Variants in CCSER1 observed in about 807,000 individuals in gnomAD.
The protein encoded by CCSER1 is serine-rich coiled-coil domain-containing protein 1.
CCSER1 carries 41 observed loss-of-function variants against 82.0 expected under a neutral mutation model. The ratio of observed to expected loss-of-function variants is 0.50; its 90% CI spans 0.39 to 0.65. CCSER1 has a LOEUF of 0.65. Among genes scored for constraint, CCSER1 ranks in the 30% least tolerant of loss-of-function variants. The pLI is 0.00. For missense variants in CCSER1, 1,119 were observed against 1,064.2 expected (o/e 1.05, Z -0.72); for synonymous variants, 414 against 383.9 (o/e 1.08, Z -0.92).
chr4:90,744,319 C>A (rs1343779012), intron 7 of CCSER1, among the ~76,000 whole-genome samples: 2 of 152,012 alleles, frequency 1.3e-5, no homozygotes, highest in Non-Finnish European at 2.9e-5. Context: ...AAGTAAGGTA[C>A]CGGAAGTGGT....
intron 3 of CCSER1, among the ~76,000 whole-genome samples, chr4:90,370,811 C>A (rs1012928111): frequency 6.6e-6 from 1 of 151,874 alleles, no homozygotes; most frequent in East Asian, 1.9e-4. Context: ...AAGGTCCTAC[C>A]GTTTTTTATT....
chr4:90,997,231 C>G (rs1210203892), intron 9 of CCSER1, among the ~76,000 whole-genome samples: 1 of 151,980 alleles, frequency 6.6e-6, no homozygotes, highest in Non-Finnish European at 1.5e-5. Flanking sequence ...TAAAATGTGT[C>G]CACATTTCTT....
At chr4:91,051,528 A>G (rs1388386150) in intron 9 of CCSER1, among the ~76,000 whole-genome samples, 1 of 152,168 alleles carries the variant, frequency 6.6e-6, no homozygotes, top group African/African-American at 2.4e-5. Context: ...CTAAAAATCC[A>G]AAACAACCAA....
intron 4 of CCSER1, among the ~76,000 whole-genome samples, chr4:90,409,989 G>T (rs527841814): frequency 1.3e-5 from 2 of 151,950 alleles, no homozygotes; most frequent in Admixed American, 6.6e-5. Context: ...TCCTAGTCTC[G>T]GATAAAACAG....
chr4:90,840,833 G>GT (rs1011795810), intron 8 of CCSER1, among the ~76,000 whole-genome samples: 5 of 152,130 alleles, frequency 3.3e-5, no homozygotes, highest in Admixed American at 2.6e-4. Flanking sequence ...TCATCAGAGA[G>GT]TAAATTCTTC....
chr4:90,544,352 G>T (rs924072247), intron 5 of CCSER1, among the ~76,000 whole-genome samples: 1 of 152,048 alleles, frequency 6.6e-6, no homozygotes, highest in South Asian at 2.1e-4. Flanking sequence ...TTATATGCGT[G>T]GTTATGACTT....
intron 10 of CCSER1, among the ~76,000 whole-genome samples, chr4:91,494,765 C>T (rs1056123603): frequency 3.3e-5 from 5 of 151,672 alleles, no homozygotes; most frequent in African/African-American, 4.8e-5. Flanking sequence ...TTGAAGAGAA[C>T]ATCTCTCAAT....
At chr4:91,148,422 C>G in intron 10 of CCSER1, among the ~76,000 whole-genome samples, 1 of 152,108 alleles carries the variant, frequency 6.6e-6, no homozygotes, top group Middle Eastern at 3.4e-3. Flanking sequence ...TAAATTCCCT[C>G]CTTCATTTAA....
At chr4:90,493,825 A>G (rs1006716911) in intron 5 of CCSER1, among the ~76,000 whole-genome samples, 2 of 152,246 alleles carry the variant, frequency 1.3e-5, no homozygotes, top group Admixed American at 1.3e-4. Flanking sequence ...TAAATTGTAA[A>G]GACCATCAAG....
intron 1 of CCSER1, among the ~76,000 whole-genome samples, chr4:90,307,512 A>G (rs1191153385): frequency 2.2e-4 from 16 of 71,220 alleles, no homozygotes; most frequent in Admixed American, 8.1e-4. Context: ...GGGTGGGGGG[A>G]GGGGGGAGGG....
At chr4:91,309,385 C>T (rs1260771294) in intron 10 of CCSER1, among the ~76,000 whole-genome samples, 2 of 152,004 alleles carry the variant, frequency 1.3e-5, no homozygotes, top group Non-Finnish European at 2.9e-5. Context: ...TGTGCACGCA[C>T]GTGCTCACAT....
At chr4:91,367,159 A>C (rs1749675818) in intron 10 of CCSER1, among the ~76,000 whole-genome samples, 2 of 149,506 alleles carry the variant, frequency 1.3e-5, no homozygotes, top group Admixed American at 1.3e-4. Context: ...AAGAGAAAAA[A>C]ATGCAAAGTT....
intron 5 of CCSER1, among the ~76,000 whole-genome samples, chr4:90,579,029 A>G (rs1452125854): frequency 1.3e-5 from 2 of 151,228 alleles, no homozygotes; most frequent in South Asian, 4.2e-4. Flanking sequence ...AAAAAGCTTG[A>G]CTTTTTTTAA....
At chr4:91,067,781 T>G (rs974478867) in intron 9 of CCSER1, among the ~76,000 whole-genome samples, 3 of 152,184 alleles carry the variant, frequency 2.0e-5, no homozygotes, top group Non-Finnish European at 4.4e-5. Flanking sequence ...TGGTTTGAAG[T>G]TAGTTATGAA....
intron 7 of CCSER1, among the ~76,000 whole-genome samples, chr4:90,791,121 C>T (rs1246952117): frequency 5.3e-5 from 8 of 152,028 alleles, no homozygotes; most frequent in African/African-American, 7.2e-5. Flanking sequence ...GAGTGTTGAG[C>T]GAAGGAGGAT....
At chr4:90,342,208 A>T (rs1240836306) in intron 3 of CCSER1, among the ~76,000 whole-genome samples, 2 of 152,200 alleles carry the variant, frequency 1.3e-5, no homozygotes, top group African/African-American at 2.4e-5. Flanking sequence ...CTTTAGTCCA[A>T]GAAAGATAAT....
At chr4:90,823,696 A>G (rs1760074606) in intron 8 of CCSER1, among the ~76,000 whole-genome samples, 1 of 151,908 alleles carries the variant, frequency 6.6e-6, no homozygotes, top group Non-Finnish European at 1.5e-5. Context: ...TTTATAATTA[A>G]ATATTTTACT....
chr4:90,512,468 T>C (rs995040646), intron 5 of CCSER1, among the ~76,000 whole-genome samples: 9 of 152,184 alleles, frequency 5.9e-5, no homozygotes, highest in Non-Finnish European at 1.2e-4. Flanking sequence ...TATGTGATTT[T>C]TGGCATTCTT....
chr4:91,519,157 C>T (rs1409501813), intron 10 of CCSER1, among the ~76,000 whole-genome samples: 1 of 152,164 alleles, frequency 6.6e-6, no homozygotes, highest in African/African-American at 2.4e-5. Flanking sequence ...GAGGCTGCGC[C>T]CAATGAGGAG....
Sources: gnomAD v4.1 joint callset for allele counts (sites outside exome capture counted in the v4.1 genomes callset) on GRCh38, gnomAD v4.1.1 for gene constraint, MANE v1.5 for transcripts, NCBI Gene and HGNC (gene_info 2026-07-23, HGNC 2026-07-21) for gene names.